Variants in PDE1C observed in about 807,000 individuals in gnomAD.
The protein encoded by PDE1C is dual specificity calcium/calmodulin-dependent 3',5'-cyclic nucleotide phosphodiesterase 1C.
PDE1C carries 62 observed loss-of-function variants against 93.1 expected under a neutral mutation model. The observed-to-expected ratio is 0.67, with a 90% CI of 0.54 to 0.82. The LOEUF (loss-of-function observed/expected upper bound fraction) is 0.82, where lower values mean the gene tolerates loss of function less well. PDE1C is among the 40% of genes least tolerant of loss of function. The probability of loss-of-function intolerance (pLI) is 0.00; values close to 1 mark genes in which losing one functional copy is unlikely to be tolerated. For missense variants in PDE1C, 742 were observed against 884.6 expected, an observed-to-expected ratio of 0.84 and a Z score of 2.04; for synonymous variants, 325 against 310.1, an observed-to-expected ratio of 1.05 and a Z score of -0.50.
chr7:32,166,496 T>C (rs991499072), intron 3 of PDE1C, among the ~76,000 whole-genome samples: 1 of 152,070 alleles, frequency 6.6e-6, no homozygotes, highest in Non-Finnish European at 1.5e-5. Context: ...CTCCAATACA[T>C]AGAGTATGCC....
chr7:32,229,272 T>C (rs983285380), intron 1 of PDE1C, among the ~76,000 whole-genome samples: 4 of 152,186 alleles, frequency 2.6e-5, no homozygotes, highest in Admixed American at 1.3e-4. Context: ...AAGAAGTTAA[T>C]TTGCCCAAGG....
intron 2 of PDE1C, among the ~76,000 whole-genome samples, chr7:31,889,383 T>A (rs1798353255): frequency 6.6e-6 from 1 of 152,158 alleles, no homozygotes. Context: ...CAAGAAAACA[T>A]GCTACAAGAA....
At chr7:31,643,213 G>C in the PDE1C span, 11 of 1,613,818 alleles carry the variant, frequency 6.8e-6, no homozygotes, top group Non-Finnish European at 9.3e-6. Flanking sequence ...TGTTGACTCT[G>C]AGGCCCCACG....
intron 1 of PDE1C, among the ~76,000 whole-genome samples, chr7:32,056,209 A>G (rs1278377948): frequency 6.6e-6 from 1 of 151,910 alleles, no homozygotes; most frequent in Admixed American, 6.6e-5. Flanking sequence ...GGCCAGCTTC[A>G]TGCTGGGAGA....
At chr7:32,370,094 A>G (rs1042386895) in intron 1 of PDE1C, among the ~76,000 whole-genome samples, 2 of 152,196 alleles carry the variant, frequency 1.3e-5, no homozygotes, top group Admixed American at 6.5e-5. Flanking sequence ...ATGTCCATCA[A>G]TGATAGACTG....
chr7:32,334,011 G>C (rs756628596), intron 1 of PDE1C, among the ~76,000 whole-genome samples: 1 of 152,102 alleles, frequency 6.6e-6, no homozygotes, highest in Admixed American at 6.5e-5. Flanking sequence ...ACCTATATTT[G>C]AATTCATGAA....
chr7:31,807,114 G>C (rs188450896), intron 16 of PDE1C, among the ~76,000 whole-genome samples: 67 of 151,838 alleles, frequency 4.4e-4, no homozygotes, highest in African/African-American at 1.6e-3. Flanking sequence ...AAGTTCTATT[G>C]ATACCAAAGC....
chr7:32,190,135 G>T, intron 2 of PDE1C, among the ~76,000 whole-genome samples: 1 of 152,194 alleles, frequency 6.6e-6, no homozygotes, highest in East Asian at 1.9e-4. Context: ...TTCATAAAAT[G>T]TACTGACCTG....
intron 16 of PDE1C, among the ~76,000 whole-genome samples, chr7:31,802,594 C>T (rs76683941): frequency 0.026 from 3,897 of 151,638 alleles, 72 homozygotes; most frequent in South Asian, 0.097. Context: ...TTGCATGGTG[C>T]GTCTACTGGT....
chr7:31,731,421 C>T, the PDE1C span, among the ~76,000 whole-genome samples: 3 of 152,194 alleles, frequency 2.0e-5, no homozygotes, highest in Non-Finnish European at 4.4e-5. Flanking sequence ...GAGAGAGTCT[C>T]GCTCTGTCAC....
chr7:32,206,936 C>T (rs1349087706), intron 2 of PDE1C, among the ~76,000 whole-genome samples: 5 of 152,204 alleles, frequency 3.3e-5, no homozygotes, highest in East Asian at 3.9e-4. Context: ...AAGAGATCCT[C>T]TCTGCTTCCT....
the PDE1C span, among the ~76,000 whole-genome samples, chr7:31,648,458 G>A: frequency 6.6e-6 from 1 of 151,962 alleles, no homozygotes; most frequent in African/African-American, 2.4e-5. Flanking sequence ...GGGCTAAAAT[G>A]TGTTTTTCCA....
intron 7 of PDE1C, among the ~76,000 whole-genome samples, chr7:31,863,907 C>T (rs542530737): frequency 6.6e-6 from 1 of 152,222 alleles, no homozygotes; most frequent in East Asian, 1.9e-4. Flanking sequence ...CTCCAAAGCC[C>T]ACAATCCTCC....
At chr7:32,162,535 A>G (rs1373513773) in intron 3 of PDE1C, among the ~76,000 whole-genome samples, 3 of 152,146 alleles carry the variant, frequency 2.0e-5, no homozygotes, top group African/African-American at 7.2e-5. Flanking sequence ...CCAGTAAAAG[A>G]AAGTTGGGTG....
chr7:32,213,995 G>A (rs1486134038), intron 1 of PDE1C, among the ~76,000 whole-genome samples: 1 of 151,962 alleles, frequency 6.6e-6, no homozygotes, highest in Non-Finnish European at 1.5e-5. Flanking sequence ...TGATAATCAG[G>A]AAAAAATGTT....
downstream of PDE1C, chr7:31,751,038 C>A (rs971480349): frequency 6.6e-6 from 1 of 152,116 alleles, no homozygotes; most frequent in Non-Finnish European, 1.5e-5. Context: ...GAACTACCAC[C>A]TAAACAATAA....
intron 11 of PDE1C, among the ~76,000 whole-genome samples, chr7:31,833,789 T>G (rs971917340): frequency 2.0e-5 from 3 of 151,636 alleles, no homozygotes; most frequent in Non-Finnish European, 4.4e-5. Flanking sequence ...CACATAAAAG[T>G]TCAGAAAATT....
intron 17 of PDE1C, among the ~76,000 whole-genome samples, chr7:31,766,311 G>A (rs1795143992): frequency 6.6e-6 from 1 of 151,844 alleles, no homozygotes; most frequent in South Asian, 2.1e-4. Flanking sequence ...GTGAACCTGG[G>A]AGGCGGAGCT....
At chr7:32,108,804 A>G (rs755636574) in intron 3 of PDE1C, among the ~76,000 whole-genome samples, 2 of 152,198 alleles carry the variant, frequency 1.3e-5, no homozygotes, top group Non-Finnish European at 2.9e-5. Context: ...GTCCATGCCT[A>G]CAGACCCAGG....
Sources: allele counts gnomAD v4.1 joint callset (sites outside exome capture counted in the v4.1 genomes callset), GRCh38; gene constraint gnomAD v4.1.1; transcripts MANE v1.5; gene names NCBI Gene and HGNC (gene_info 2026-07-23, HGNC 2026-07-21).